Variants in DIP2A observed in about 807,000 individuals in gnomAD.
DIP2A encodes DIP2 acetate--CoA ligase A.
DIP2A carries 85 observed loss-of-function variants against 177.4 expected under a neutral mutation model. The observed-to-expected ratio is 0.48, with a 90% CI of 0.40 to 0.57. DIP2A has a LOEUF of 0.57. Ranked by LOEUF, DIP2A falls within the 20% of genes least tolerant of loss-of-function variation. DIP2A has a pLI of 0.00. For missense variants in DIP2A, 1,791 were observed against 2,100.2 expected, an observed-to-expected ratio of 0.85 and a Z score of 2.88; for synonymous variants, 886 against 881.8, an observed-to-expected ratio of 1.00 and a Z score of -0.08.
the DIP2A span, among the ~76,000 whole-genome samples, chr21:46,580,063 G>A: frequency 5.9e-5 from 9 of 152,024 alleles, no homozygotes; most frequent in South Asian, 2.1e-4. Flanking sequence ...AAAGTCTCCC[G>A]CTATTATTGT....
At position 46,538,504 on chromosome 21, in the gene DIP2A, C is replaced by T. The variant is rs1417480801; in HGVS notation, c.1823C>T (p.Ser608Leu). ...FYKARAALVK[S>L]RDMHWSLLAQ... The stretch of plus-strand genomic sequence containing the variant: ...GCAGCTCGGGCCGCGCTGGTGAAGT[C>T]GCGAGACATGCACTGGTCTCTCCTA... Residue 608 changes from serine (S) to leucine (L), a missense_variant, in exon 16 of 38, where the codon TCG (serine) becomes TTG (leucine). Ser to Leu is a moderately radical substitution (Grantham distance 145). Transcript: ENST00000417564. 6 of 1,550,336 alleles carry T rather than the reference C, an allele frequency of 3.9e-6. No homozygotes were observed. Among genetic ancestry groups the T allele is most frequent in the East Asian group, 2.4e-5 (1 of 41,200 alleles).
rs762252 is a variant in DIP2A at position 46,533,438 on chromosome 21, C to G, written c.1306-86C>G. On this transcript the variant is annotated intron_variant, in intron 10 of 37. Coordinates refer to ENST00000417564, the MANE Select transcript of DIP2A (RefSeq NM_015151.4). ...ATGAGGGATGAAAAAAAGATCTGTT[C>G]TCTGTGCATGGCCTGGAGCACCAAG... The G allele has an allele frequency of 1.2e-3, 1,713 of 1,483,898 alleles. 22 individuals are homozygous for G. In the African/African-American group the frequency reaches 0.022, roughly 19 times the overall value. The allele number at this position is 1,483,898 out of a possible 1,614,324, so 91.9% of individuals were successfully genotyped here.
intron 9 of DIP2A, 110 bp downstream of exon 9, chr21:46,529,293 C>G: frequency 1.3e-6 from 1 of 742,666 alleles, no homozygotes. Flanking sequence ...AGCATTAATA[C>G]AAGGGATTTA....
Position 46,511,578 on chromosome 21 carries a change from G to T in DIP2A, c.1066G>T (p.Asp356Tyr). The T allele has an allele frequency of 6.4e-7, 1 of 1,573,862 alleles. No individual in the cohort carries two copies. Among genetic ancestry groups the T allele is most frequent in the Non-Finnish European group, 8.6e-7 (1 of 1,162,514 alleles). The part of the protein sequence containing the change: ...QPKSPCLTAL[D>Y]TTGKAVYTLT... ...CAAATCCCCCTGTCTGACTGCCTTG[G>T]ATACAACTGGGAAAGCCGTCTACAC... The change falls in exon 8 of 38, where the codon GAT (aspartate) becomes TAT (tyrosine). Residue 356 changes from aspartate to tyrosine, a missense_variant. Transcript: ENST00000417564.
In DIP2A at chr21:46,486,090, AAGAACT is replaced by A. The variant is rs1326009478; in HGVS notation, c.163+1264_163+1269del. Among the ~76,000 whole-genome samples the A allele has an allele frequency of 1.5e-3, 136 of 89,896 alleles. 6 individuals are homozygous for A. Among genetic ancestry groups the A allele is most frequent in the Middle Eastern group, 7.0e-3 (1 of 142 alleles). 59.0% of individuals were successfully genotyped at this position (89,896 alleles called of 152,430 possible). On this transcript the variant is annotated intron_variant, in intron 2 of 37. Transcript: ENST00000417564. ...CATCTCAAAAAAAAAAAAAAAAAAA[AAGAACT>A]AAAGAACTAGTATCCAGAATGTACC...
chr21:46,480,329 C>T (rs2056253903), intron 1 of DIP2A, among the ~76,000 whole-genome samples: 2 of 152,114 alleles, frequency 1.3e-5, no homozygotes, highest in Non-Finnish European at 2.9e-5. Flanking sequence ...TCTTGTGAGA[C>T]TTACTATCCG....
In DIP2A at chr21:46,569,809, G is replaced by A. The variant is rs1318613060; in HGVS notation, c.*2187G>A. The A allele has an allele frequency of 6.6e-6, 1 of 152,028 alleles. No homozygotes were observed. The highest frequency in any genetic ancestry group is 2.4e-5 in the African/African-American group (1 of 41,398). 9.4% of individuals were successfully genotyped at this position (152,028 alleles called of 1,614,324 possible). ...GACTATAAAAGCAGTTATGCTTATA[G>A]CATAAAATCTAGAAAGCACATTAAA... On this transcript the variant is annotated 3_prime_UTR_variant, in exon 38 of 38. Coordinates refer to ENST00000417564, the MANE Select transcript of DIP2A (RefSeq NM_015151.4).
At position 46,549,787 on chromosome 21, in the gene DIP2A, G is replaced by A; in HGVS notation, c.2539G>A (p.Val847Met). 1.2e-6 allele frequency: 2 copies of A among 1,613,794 alleles called. No individual in the cohort carries two copies. The highest frequency in any genetic ancestry group is 1.7e-6 in the Non-Finnish European group (2 of 1,180,036). ...VYRGRIAVFS[V>M]TVLHDDRIVL... ...ATCCCGCAGGATCGCTGTGTTCTCT[G>A]TGACCGTGCTGCACGACGACCGGAT... The change falls in exon 22 of 38, where the codon GTG (valine) becomes ATG (methionine). Residue 847 changes from valine (V) to methionine (M), a missense_variant. Transcript: ENST00000417564.
rs1054326904 is a variant in DIP2A at position 46,545,185 on chromosome 21, C to A, written c.2225C>A (p.Thr742Asn). The change falls in exon 19 of 38, where the codon ACT (threonine) becomes AAT (asparagine). Residue 742 changes from threonine to asparagine, a missense_variant. Thr to Asn is a moderately conservative substitution (Grantham distance 65). Coordinates refer to ENST00000417564, the MANE Select transcript of DIP2A (RefSeq NM_015151.4). Reference protein sequence around the residue: ...KLEGTPYLCKTDEVGEICVSS... With the variant: ...KLEGTPYLCKNDEVGEICVSS... Reference sequence around the variant, plus strand: ...GAAGGTACCCCTTATCTTTGTAAAACTGATGAAGTGGGAGAAATATGCGTC... The same window carrying A: ...GAAGGTACCCCTTATCTTTGTAAAAATGATGAAGTGGGAGAAATATGCGTC... 1 of 1,608,680 alleles carries A rather than the reference C, an allele frequency of 6.2e-7. No homozygotes were observed. The highest frequency in any genetic ancestry group is 8.5e-7 in the Non-Finnish European group (1 of 1,175,712).
chr21:46,482,815 A>G (rs1275697843), intron 1 of DIP2A, among the ~76,000 whole-genome samples: 2 of 152,236 alleles, frequency 1.3e-5, no homozygotes, highest in Non-Finnish European at 2.9e-5. Context: ...ATTCTTCTGC[A>G]GCAGTGGAGT....
intron 9 of DIP2A, among the ~76,000 whole-genome samples, chr21:46,530,695 TA>T: frequency 1.3e-5 from 2 of 151,970 alleles, no homozygotes; most frequent in Non-Finnish European, 2.9e-5. Context: ...TAAATGAAAA[TA>T]GTAATTCAGG....
rs532883107 is a variant in DIP2A, at chr21:46,554,619, T to G, written c.3199T>G (p.Cys1067Gly). The G allele has an allele frequency of 6.2e-6, 10 of 1,608,870 alleles. No homozygotes were observed. Among genetic ancestry groups the G allele is most frequent in the Non-Finnish European group, 8.5e-6 (10 of 1,177,850 alleles). ...GTTCTATGGCTGCTTGTACTGTGGCTGCGTGCCTGTCACCGTGCGGCCCCC... is the reference window on the plus strand; with the variant it reads ...GTTCTATGGCTGCTTGTACTGTGGCGGCGTGCCTGTCACCGTGCGGCCCCC... ...AAFYGCLYCG[C>G]VPVTVRPPHP... is the part of the protein sequence containing the mutation. Residue 1067 changes from cysteine (C) to glycine (G), a missense_variant, in exon 27 of 38, where the codon TGC becomes GGC. By Grantham distance (159) the Cys-to-Gly change is radical. Transcript: ENST00000417564.
intron 8 of DIP2A, among the ~76,000 whole-genome samples, chr21:46,514,617 C>CTTTTTTTTTTTTTTTTTTTTTTTTTT (rs752628688): frequency 2.6e-4 from 18 of 70,516 alleles, no homozygotes; most frequent in South Asian, 6.6e-4. Context: ...AACTTTTATT[C>CTTTTTTTTTTTTTTTTTTTTTTTTTT]TTTTTTTTTT....
chr21:46,515,992 G>A (rs757676991), intron 8 of DIP2A, among the ~76,000 whole-genome samples: 3 of 152,012 alleles, frequency 2.0e-5, no homozygotes, highest in Non-Finnish European at 4.4e-5. Context: ...TAGCTTTGCT[G>A]GCAACTTCAT....
chr21:46,472,322 G>T (rs980547381), intron 1 of DIP2A, among the ~76,000 whole-genome samples: 17 of 152,168 alleles, frequency 1.1e-4, no homozygotes, highest in African/African-American at 4.1e-4. Context: ...TGTTTAAGTC[G>T]CCCACTCTGG....
At chr21:46,467,948 A>G (rs758924024) in intron 1 of DIP2A, among the ~76,000 whole-genome samples, 3 of 152,070 alleles carry the variant, frequency 2.0e-5, no homozygotes, top group Non-Finnish European at 4.4e-5. Flanking sequence ...TGACATGGTG[A>G]AACCCCATCT....
At chr21:46,463,793 C>G (rs1205805068) in intron 1 of DIP2A, among the ~76,000 whole-genome samples, 2 of 151,736 alleles carry the variant, frequency 1.3e-5, no homozygotes, top group Non-Finnish European at 2.9e-5. Context: ...ACTGCAGCCT[C>G]CACCTCCCGG....
intron 1 of DIP2A, among the ~76,000 whole-genome samples, chr21:46,484,056 G>A (rs1307820040): frequency 3.3e-5 from 5 of 152,100 alleles, no homozygotes; most frequent in Admixed American, 6.6e-5. Flanking sequence ...TGGAACAGCC[G>A]TCCTTTTTCC....
intron 8 of DIP2A, among the ~76,000 whole-genome samples, chr21:46,515,297 T>TG (rs1452097045): frequency 6.6e-6 from 1 of 152,226 alleles, no homozygotes; most frequent in Admixed American, 6.5e-5. Context: ...TTGTGGAGAC[T>TG]GTCAGTTCTA....
Sources: allele counts gnomAD v4.1 joint callset (sites outside exome capture counted in the v4.1 genomes callset), GRCh38; gene constraint gnomAD v4.1.1; transcripts MANE v1.5; gene names NCBI Gene and HGNC (gene_info 2026-07-23, HGNC 2026-07-21).